Variants in TIAM2 observed in about 807,000 individuals in gnomAD.
The protein encoded by TIAM2 is TIAM Rac1 associated GEF 2.
Under a neutral mutation model 152.9 loss-of-function variants are expected in TIAM2, and 80 were observed. The ratio of observed to expected loss-of-function variants is 0.52; its 90% CI spans 0.44 to 0.63. TIAM2 has a LOEUF of 0.63. TIAM2 is among the 30% of genes least tolerant of loss of function. TIAM2 has a pLI of 0.00. For missense variants in TIAM2, 1,965 were observed against 2,120.1 expected (o/e 0.93, Z 1.44); for synonymous variants, 804 against 838.0 (o/e 0.96, Z 0.70).
intron 2 of TIAM2, among the ~76,000 whole-genome samples, chr6:155,116,233 T>C (rs1779008185): frequency 6.6e-6 from 1 of 152,234 alleles, no homozygotes; most frequent in South Asian, 2.1e-4. Flanking sequence ...TGTTGTTTTT[T>C]TTCCTGAAAG....
At chr6:155,081,343 A>G (rs1334849103) in intron 1 of TIAM2, among the ~76,000 whole-genome samples, 1 of 150,806 alleles carries the variant, frequency 6.6e-6, no homozygotes, top group African/African-American at 2.4e-5. Context: ...ACAATTATCT[A>G]CTTTCAAGGC....
At chr6:155,234,563 C>T (rs555475538) in intron 15 of TIAM2, among the ~76,000 whole-genome samples, 25 of 152,252 alleles carry the variant, frequency 1.6e-4, no homozygotes, top group East Asian at 5.8e-4. Flanking sequence ...CCACCATGGC[C>T]GGCTAATTTT....
intron 14 of TIAM2, among the ~76,000 whole-genome samples, chr6:155,194,149 G>A (rs1781278264): frequency 6.6e-6 from 1 of 152,220 alleles, no homozygotes; most frequent in African/African-American, 2.4e-5. Flanking sequence ...TGAGAAGGTA[G>A]ATGAGGGGGC....
At chr6:155,216,370 C>G (rs1583255123) in intron 15 of TIAM2, among the ~76,000 whole-genome samples, 1 of 152,188 alleles carries the variant, frequency 6.6e-6, no homozygotes, top group Admixed American at 6.5e-5. Flanking sequence ...AACAACTATT[C>G]TAGACATTAG....
intron 14 of TIAM2, 43 bp downstream of exon 14, chr6:155,183,543 C>A (rs1262979824): frequency 6.4e-7 from 1 of 1,550,400 alleles, no homozygotes; most frequent in South Asian, 1.2e-5. Context: ...CTGGTATCAA[C>A]AGCCAATATT....
At chr6:155,151,882 A>G (rs1270327910) in intron 7 of TIAM2, among the ~76,000 whole-genome samples, 1 of 120,878 alleles carries the variant, frequency 8.3e-6, no homozygotes, top group African/African-American at 3.1e-5. Flanking sequence ...TTTGCTCTTG[A>G]TGCCCAGGCT....
chr6:155,228,712 C>T (rs1315403868), intron 15 of TIAM2, among the ~76,000 whole-genome samples: 2 of 152,110 alleles, frequency 1.3e-5, no homozygotes, highest in African/African-American at 4.8e-5. Flanking sequence ...GAGAGAACAT[C>T]TTATTCATTC....
chr6:155,222,329 C>CCACATGGGTTGG (rs150651310), intron 15 of TIAM2, among the ~76,000 whole-genome samples: 1 of 151,762 alleles, frequency 6.6e-6, no homozygotes, highest in African/African-American at 2.4e-5. Flanking sequence ...GTTGGGTGGG[C>CCACATGGGTTGG]GTGGCTCACG....
chr6:155,142,317 T>A lies in TIAM2; in HGVS notation c.1631-2289T>A, dbSNP rs115490112. The stretch of plus-strand genomic sequence containing the variant: ...TTCCTGGCCTGGCTCTAATGTGAAA[T>A]GTCCTGTTTTGATTTCATGCCTCCA... On this transcript the variant is annotated intron_variant, in intron 5 of 26. Transcript: ENST00000682666. 4.3e-3 allele frequency among the ~76,000 whole-genome samples: 660 copies of A among 152,368 alleles called. 4 individuals are homozygous for A. The highest frequency in any genetic ancestry group is 0.015 in the African/African-American group (614 of 41,594).
chr6:155,210,927 A>C (rs2115212871), intron 14 of TIAM2, among the ~76,000 whole-genome samples: 1 of 152,308 alleles, frequency 6.6e-6, no homozygotes, highest in South Asian at 2.1e-4. Context: ...TAGTTCACAC[A>C]ACAACGAGAA....
At chr6:155,238,120 C>T (rs554614357) in intron 15 of TIAM2, among the ~76,000 whole-genome samples, 4 of 152,222 alleles carry the variant, frequency 2.6e-5, no homozygotes, top group South Asian at 4.1e-4. Flanking sequence ...GAAATTTCTT[C>T]TCCCAGATAC....
At chr6:155,250,044 G>C in intron 21 of TIAM2, 75 bp downstream of exon 21, 5 of 1,093,976 alleles carry the variant, frequency 4.6e-6, no homozygotes, top group Non-Finnish European at 5.3e-6. Context: ...TAGATAGGCT[G>C]CCCTGTTAGG....
Position 155,130,293 on chromosome 6 carries a change from C to T in TIAM2, c.1070C>T (p.Thr357Ile), listed in dbSNP as rs1779417093. 1.2e-6 allele frequency: 2 copies of T among 1,614,180 alleles called. No homozygotes were observed. The highest frequency in any genetic ancestry group is 1.3e-5 in the African/African-American group (1 of 75,052). The change falls in exon 4 of 27, where the codon ACT (threonine) becomes ATT (isoleucine). Residue 357 changes from threonine to isoleucine, a missense_variant. Coordinates refer to ENST00000682666, the MANE Select transcript of TIAM2 (RefSeq NM_012454.4). ...GACCCCATCCAGTACAGTTCCTTCA[C>T]TCTCCCCTGTCGGAAGCCCAAAGCC... ...HGDPIQYSSF[T>I]LPCRKPKAFV...
At chr6:155,064,607 G>C (rs1460664245) in intron 1 of TIAM2, among the ~76,000 whole-genome samples, 1 of 152,170 alleles carries the variant, frequency 6.6e-6, no homozygotes, top group Non-Finnish European at 1.5e-5. Context: ...TTCTCAATGA[G>C]GGCAAAATGC....
chr6:155,030,018 C>T (rs988766729), intron 1 of TIAM2, among the ~76,000 whole-genome samples: 4 of 151,932 alleles, frequency 2.6e-5, no homozygotes, highest in African/African-American at 9.7e-5. Flanking sequence ...GGTCTCGAAC[C>T]CTGGGGTCAA....
chr6:155,089,446 A>T (rs1778249463), intron 1 of TIAM2, among the ~76,000 whole-genome samples: 1 of 152,126 alleles, frequency 6.6e-6, no homozygotes, highest in Non-Finnish European at 1.5e-5. Flanking sequence ...ACCTCAAGTG[A>T]TCCGCCCACC....
rs1048584 is a variant in TIAM2, at chr6:155,257,465, A to T, written c.*344A>T. 0.64 allele frequency: 206,349 copies of T among 320,878 alleles called. 68,341 individuals carry two copies. Among genetic ancestry groups the T allele is most frequent in the East Asian group, 0.98 (12,948 of 13,216 alleles). The allele number at this position is 320,878 out of a possible 1,614,324, so 19.9% of individuals were successfully genotyped here. A position where few individuals can be genotyped will look rare whatever the true frequency, so the allele number is the denominator to read the frequency against. Reference sequence around the variant, plus strand: ...AATAGTTTTCAAAGGGCCATTTTTTAAAATCCTCTGGGCATTTTCTTTCAG... The same window carrying T: ...AATAGTTTTCAAAGGGCCATTTTTTTAAATCCTCTGGGCATTTTCTTTCAG... On this transcript the variant is annotated 3_prime_UTR_variant, in exon 27 of 27. Transcript: ENST00000682666.
chr6:155,037,522 G>C (rs990646352), intron 1 of TIAM2, among the ~76,000 whole-genome samples: 1 of 151,932 alleles, frequency 6.6e-6, no homozygotes, highest in Non-Finnish European at 1.5e-5. Flanking sequence ...CTCTGGGCTG[G>C]TTTCTTTTCT....
At chr6:155,038,126 G>A (rs1776956396) in intron 1 of TIAM2, among the ~76,000 whole-genome samples, 1 of 152,156 alleles carries the variant, frequency 6.6e-6, no homozygotes, top group Non-Finnish European at 1.5e-5. Context: ...GGAACTTGAT[G>A]AATTTTCCCA....
Sources: allele counts gnomAD v4.1 joint callset (sites outside exome capture counted in the v4.1 genomes callset), GRCh38; gene constraint gnomAD v4.1.1; transcripts MANE v1.5; gene names NCBI Gene and HGNC (gene_info 2026-07-23, HGNC 2026-07-21).